APBB1IP: variants seen among roughly 807,000 people sequenced by gnomAD.
The protein encoded by APBB1IP is amyloid beta precursor protein binding family B member 1 interacting protein.
Under a neutral mutation model 64.9 loss-of-function variants are expected in APBB1IP, and 27 were observed. That is an observed-to-expected ratio of 0.42 (90% confidence interval 0.31 to 0.57). The LOEUF is 0.57. APBB1IP is among the 20% of genes least tolerant of loss of function. The probability of loss-of-function intolerance (pLI) is 0.20; values close to 1 mark genes in which losing one functional copy is unlikely to be tolerated. For synonymous variants in APBB1IP, 392 were observed against 331.0 expected (o/e 1.18, Z -2.00); for missense variants, 812 against 845.5 (o/e 0.96, Z 0.49).
intron 4 of APBB1IP, 116 bp from the exon 5 acceptor site, chr10:26,500,703 A>G (rs45526134): frequency 8.5e-5 from 84 of 990,776 alleles, no homozygotes; most frequent in Non-Finnish European, 1.2e-4. Flanking sequence ...CTCATATCAT[A>G]ACCAATCAAG....
chr10:26,562,331 A>C lies in APBB1IP; in HGVS notation c.1375A>C (p.Lys459Gln). Residue 459 changes from lysine to glutamine, a missense_variant, in exon 14 of 15, where the codon AAA becomes CAA. Transcript: ENST00000376236. ...TCTCACTTCTTCCCTCTCAGGACCT[A>C]AAACAGGCACCACCCAGCCCAATGG... ...AAPAQPSTGP[K>Q]TGTTQPNGQI... is the part of the protein sequence containing the mutation. 5 of 1,613,110 alleles carry C rather than the reference A, an allele frequency of 3.1e-6. No individual in the cohort carries two copies. Among genetic ancestry groups the C allele is most frequent in the Non-Finnish European group, 4.2e-6 (5 of 1,179,298 alleles).
rs369958527 is a variant in APBB1IP, at chr10:26,524,058, C to T, written c.814-9381C>T. Among the ~76,000 whole-genome samples the T allele has an allele frequency of 8.5e-5, 13 of 152,216 alleles. No individual in the cohort carries two copies. In the East Asian group the frequency reaches 1.2e-3, roughly 14 times the overall value. On this transcript the variant is annotated intron_variant, in intron 8 of 14. Transcript: ENST00000376236. ...CCGTGGCATGCTGAGTACTTTAAAC[C>T]GAAGGAGATTAGAAGGACCTTCTAA...
intron 9 of APBB1IP, among the ~76,000 whole-genome samples, chr10:26,533,855 C>A (rs1836584995): frequency 6.6e-6 from 1 of 151,870 alleles, no homozygotes; most frequent in African/African-American, 2.4e-5. Context: ...TTAAAAGGGA[C>A]CTCTAAGATG....
intron 2 of APBB1IP, among the ~76,000 whole-genome samples, chr10:26,454,307 G>T (rs1210969158): frequency 1.3e-5 from 2 of 152,090 alleles, no homozygotes; most frequent in Non-Finnish European, 2.9e-5. Flanking sequence ...CGGGCGTGGT[G>T]GTGGATGCCT....
intron 6 of APBB1IP, among the ~76,000 whole-genome samples, chr10:26,508,659 C>T (rs1414322045): frequency 6.6e-6 from 1 of 151,704 alleles, no homozygotes; most frequent in East Asian, 1.9e-4. Context: ...TATAGAGCTA[C>T]TCTAGCTTGC....
chr10:26,525,975 T>C (rs1836468926), intron 8 of APBB1IP, among the ~76,000 whole-genome samples: 1 of 152,170 alleles, frequency 6.6e-6, no homozygotes, highest in Non-Finnish European at 1.5e-5. Context: ...ACAAGGATCC[T>C]GTGACTTACT....
chr10:26,452,796 C>A (rs1042107722), intron 2 of APBB1IP, among the ~76,000 whole-genome samples: 1 of 152,066 alleles, frequency 6.6e-6, no homozygotes. Context: ...TGTACCCAAT[C>A]GGTAATTTTT....
intron 8 of APBB1IP, among the ~76,000 whole-genome samples, chr10:26,526,027 G>C (rs1227455472): frequency 1.3e-5 from 2 of 152,310 alleles, no homozygotes; most frequent in East Asian, 1.9e-4. Flanking sequence ...CTGCTTCAGA[G>C]AAGGACAGGA....
At chr10:26,462,345 G>A (rs548529499) in intron 2 of APBB1IP, among the ~76,000 whole-genome samples, 1 of 152,236 alleles carries the variant, frequency 6.6e-6, no homozygotes, top group East Asian at 1.9e-4. Flanking sequence ...CATTTTTGGT[G>A]TTTTACAGTT....
At chr10:26,562,863 T>C (rs1163933754) in intron 14 of APBB1IP, among the ~76,000 whole-genome samples, 1 of 152,164 alleles carries the variant, frequency 6.6e-6, no homozygotes, top group Non-Finnish European at 1.5e-5. Flanking sequence ...GTTACTACAA[T>C]TTAATTTAGT....
Position 26,511,620 on chromosome 10 carries a change from A to T in APBB1IP, c.532-127A>T, listed in dbSNP as rs936117850. The T allele has an allele frequency of 2.7e-6, 3 of 1,123,300 alleles. No individual in the cohort carries two copies. The African/African-American group carries it at 4.7e-5, about 17-fold the overall frequency. 69.6% of individuals were successfully genotyped at this position (1,123,300 alleles called of 1,614,324 possible). On this transcript the variant is annotated intron_variant, in intron 6 of 14. Coordinates refer to ENST00000376236, the MANE Select transcript of APBB1IP (RefSeq NM_019043.4). ...GTGCTTGGCATGCAAGTTAGTTTAGATGGAGCAAGTTCACCAAACACATTC... is the reference window on the plus strand; with the variant it reads ...GTGCTTGGCATGCAAGTTAGTTTAGTTGGAGCAAGTTCACCAAACACATTC...
At chr10:26,517,545 G>A (rs1040246153) in intron 8 of APBB1IP, among the ~76,000 whole-genome samples, 25 of 152,278 alleles carry the variant, frequency 1.6e-4, no homozygotes, top group African/African-American at 5.8e-4. Flanking sequence ...GCTGAAGTAA[G>A]CCTCCCGCCT....
At chr10:26,534,733 G>A (rs1836599295) in intron 9 of APBB1IP, among the ~76,000 whole-genome samples, 1 of 152,222 alleles carries the variant, frequency 6.6e-6, no homozygotes, top group African/African-American at 2.4e-5. Context: ...CTGGGAGCAT[G>A]AGCACAGTGA....
At chr10:26,538,294 C>T (rs1339765118) in intron 10 of APBB1IP, among the ~76,000 whole-genome samples, 3 of 152,086 alleles carry the variant, frequency 2.0e-5, no homozygotes, top group African/African-American at 7.2e-5. Context: ...ATTCATATGG[C>T]ATAAAATATA....
At chr10:26,559,149 C>A (rs1484851903) in intron 11 of APBB1IP, among the ~76,000 whole-genome samples, 2 of 152,124 alleles carry the variant, frequency 1.3e-5, no homozygotes, top group Non-Finnish European at 2.9e-5. Flanking sequence ...CAGGTAAGTT[C>A]CCTTATTTGA....
At chr10:26,531,079 G>A (rs868303400) in intron 8 of APBB1IP, among the ~76,000 whole-genome samples, 2 of 152,092 alleles carry the variant, frequency 1.3e-5, no homozygotes, top group South Asian at 2.1e-4. Context: ...TTGGCCAGGC[G>A]TGGTGGTTTA....
In APBB1IP at chr10:26,501,044, C is replaced by A. The variant is rs768305709; in HGVS notation, c.386C>A (p.Pro129Gln). Residue 129 changes from proline (P) to glutamine (Q), a missense_variant, in exon 5 of 15, where the codon CCA (proline) becomes CAA (glutamine). Coordinates refer to ENST00000376236, the MANE Select transcript of APBB1IP (RefSeq NM_019043.4). ...ATCAGCCAATATGAGGATGACTTACCACCTCCACCAGCCGATCCTGTGTTA... is the reference window on the plus strand; with the variant it reads ...ATCAGCCAATATGAGGATGACTTACAACCTCCACCAGCCGATCCTGTGTTA... ...TGISQYEDDLPPPPADPVLDL... is the reference protein window; with the variant it reads ...TGISQYEDDLQPPPADPVLDL... 5 of 1,614,128 alleles carry A rather than the reference C, an allele frequency of 3.1e-6. No individual in the cohort carries two copies. In the South Asian group the frequency reaches 5.5e-5, roughly 18 times the overall value.
intron 8 of APBB1IP, among the ~76,000 whole-genome samples, chr10:26,517,821 A>T (rs1436536185): frequency 6.6e-6 from 1 of 152,242 alleles, no homozygotes; most frequent in Non-Finnish European, 1.5e-5. Flanking sequence ...GTGGGGCTTT[A>T]ACAAGTAATG....
chr10:26,449,602 C>A (rs1233479906), intron 2 of APBB1IP, among the ~76,000 whole-genome samples: 1 of 152,094 alleles, frequency 6.6e-6, no homozygotes, highest in Non-Finnish European at 1.5e-5. Context: ...GCATTTGTTT[C>A]AAGGGGATAT....
Sources: allele counts gnomAD v4.1 joint callset (sites outside exome capture counted in the v4.1 genomes callset), GRCh38; gene constraint gnomAD v4.1.1; transcripts MANE v1.5; gene names NCBI Gene and HGNC (gene_info 2026-07-23, HGNC 2026-07-21).